GALNT10: variants seen among roughly 807,000 people sequenced by gnomAD.
GALNT10 encodes polypeptide N-acetylgalactosaminyltransferase 10, also known as GalNAc transferase 10.
Under a neutral mutation model 75.0 loss-of-function variants are expected in GALNT10, and 41 were observed. The observed-to-expected ratio is 0.55, with a 90% CI of 0.43 to 0.71. GALNT10 has a LOEUF of 0.71. GALNT10 is among the 30% of genes least tolerant of loss of function. GALNT10 has a pLI of 0.00. For missense variants in GALNT10, 727 were observed against 818.5 expected, an observed-to-expected ratio of 0.89 and a Z score of 1.36; for synonymous variants, 302 against 313.0, an observed-to-expected ratio of 0.96 and a Z score of 0.37.
intron 3 of GALNT10, among the ~76,000 whole-genome samples, chr5:154,324,180 G>A (rs1413624711): frequency 6.6e-6 from 1 of 152,208 alleles, no homozygotes; most frequent in Non-Finnish European, 1.5e-5. Flanking sequence ...TGCCTTCCAT[G>A]TGGGGTTCTG....
chr5:154,197,932 C>A (rs939352737), intron 1 of GALNT10, among the ~76,000 whole-genome samples: 4 of 152,184 alleles, frequency 2.6e-5, no homozygotes, highest in Admixed American at 2.6e-4. Flanking sequence ...AACCACCATA[C>A]TTCCTCCATA....
intron 1 of GALNT10, among the ~76,000 whole-genome samples, chr5:154,212,987 C>T (rs1336447635): frequency 1.3e-5 from 2 of 150,736 alleles, no homozygotes; most frequent in Admixed American, 6.6e-5. Context: ...AAAAAAAGAT[C>T]ACAGGCTCCA....
intron 1 of GALNT10, among the ~76,000 whole-genome samples, chr5:154,194,378 C>T (rs890793): frequency 0.36 from 54,949 of 152,026 alleles, 11,468 homozygotes; most frequent in East Asian, 0.87. Flanking sequence ...AGCCTTGGAA[C>T]GATTTCCTTA....
At chr5:154,339,096 T>C (rs990414153) in intron 4 of GALNT10, among the ~76,000 whole-genome samples, 2 of 152,238 alleles carry the variant, frequency 1.3e-5, no homozygotes, top group African/African-American at 4.8e-5. Context: ...AAGTGACTTC[T>C]GTTCCAGATG....
At chr5:154,396,554 C>G (rs35278321) in intron 7 of GALNT10, among the ~76,000 whole-genome samples, 1,998 of 152,268 alleles carry the variant, frequency 0.013, 23 homozygotes, top group South Asian at 0.031. Flanking sequence ...GACCCAACCC[C>G]AGGTTCCATT....
chr5:154,403,369 C>T (rs927335301), intron 7 of GALNT10, among the ~76,000 whole-genome samples: 2 of 152,136 alleles, frequency 1.3e-5, no homozygotes, highest in African/African-American at 4.8e-5. Context: ...AGTGGGCAAA[C>T]TCAGGAGCTC....
chr5:154,191,809 C>T (rs1231462006), intron 1 of GALNT10, among the ~76,000 whole-genome samples: 1 of 152,224 alleles, frequency 6.6e-6, no homozygotes, highest in East Asian at 1.9e-4. Flanking sequence ...AGAAGCCTTC[C>T]CTATCTCTTC....
intron 1 of GALNT10, among the ~76,000 whole-genome samples, chr5:154,262,013 AGAAGAGAT>A (rs1753705805): frequency 6.6e-6 from 1 of 152,016 alleles, no homozygotes; most frequent in South Asian, 2.1e-4. Flanking sequence ...TCCATAAAAG[AGAAGAGAT>A]AGTTCATGTG....
intron 4 of GALNT10, among the ~76,000 whole-genome samples, chr5:154,345,275 A>G (rs1486319244): frequency 6.6e-6 from 1 of 152,140 alleles, no homozygotes; most frequent in African/African-American, 2.4e-5. Context: ...TAATGTGTTC[A>G]TCACCTCCCA....
chr5:154,270,272 C>T (rs1753842354), intron 1 of GALNT10, among the ~76,000 whole-genome samples: 1 of 147,968 alleles, frequency 6.8e-6, no homozygotes, highest in Non-Finnish European at 1.5e-5. Flanking sequence ...GTAGAGTAGG[C>T]ATTCCTCATG....
At chr5:154,338,093 A>C in intron 4 of GALNT10, 1 of 1,126,682 alleles carries the variant, frequency 8.9e-7, no homozygotes, top group Non-Finnish European at 1.3e-6. Context: ...ATCTTCTTTA[A>C]TGCCACCAGC....
At chr5:154,284,595 G>A (rs780043227) in intron 1 of GALNT10, among the ~76,000 whole-genome samples, 7 of 152,158 alleles carry the variant, frequency 4.6e-5, no homozygotes, top group East Asian at 1.9e-4. Context: ...TGCCCAGCCC[G>A]TCAAGCCTCT....
At chr5:154,328,315 A>G (rs1032446009) in intron 3 of GALNT10, among the ~76,000 whole-genome samples, 1 of 152,096 alleles carries the variant, frequency 6.6e-6, no homozygotes, top group Non-Finnish European at 1.5e-5. Flanking sequence ...AGGGCCTTCC[A>G]CCCCTAAGCT....
chr5:154,276,356 A>G (rs774990106), intron 1 of GALNT10, among the ~76,000 whole-genome samples: 3 of 152,142 alleles, frequency 2.0e-5, no homozygotes, highest in Admixed American at 1.3e-4. Flanking sequence ...GATCTACAAA[A>G]CCAGCAATGC....
At chr5:154,217,908 A>G (rs1339563857) in intron 1 of GALNT10, 1 of 626,360 alleles carries the variant, frequency 1.6e-6, no homozygotes, top group African/African-American at 2.0e-5. Context: ...AGACTGTTGT[A>G]CTTTCTATAA....
chr5:154,190,861 G>A lies in GALNT10; in HGVS notation c.-6G>A, dbSNP rs941843928. ...CGGCGGGGCGCGGCGGGGCTGACCG[G>A]CCCCGATGAGGCGGAAGGAGAAGCG... On this transcript the variant is annotated 5_prime_UTR_variant, in exon 1 of 12. Transcript: ENST00000297107. The A allele has an allele frequency of 1.6e-4, 214 of 1,344,942 alleles. No homozygotes were observed. In the African/African-American group the frequency reaches 2.9e-3, roughly 18 times the overall value. The allele number at this position is 1,344,942 out of a possible 1,614,324, so 83.3% of individuals were successfully genotyped here. A position where few individuals can be genotyped will look rare whatever the true frequency, so the allele number is the denominator to read the frequency against.
intron 10 of GALNT10, among the ~76,000 whole-genome samples, chr5:154,413,892 TA>T (rs1464361516): frequency 1.3e-5 from 2 of 152,086 alleles, no homozygotes; most frequent in Admixed American, 1.3e-4. Flanking sequence ...GTAAAGCATA[TA>T]TCTGATAAAG....
chr5:154,288,988 T>C (rs1355413159), intron 1 of GALNT10, among the ~76,000 whole-genome samples: 3 of 152,230 alleles, frequency 2.0e-5, no homozygotes, highest in African/African-American at 7.2e-5. Flanking sequence ...GAGGAAATTC[T>C]AAATCCTGTT....
chr5:154,371,410 C>T (rs1293142422), intron 4 of GALNT10, among the ~76,000 whole-genome samples: 1 of 152,094 alleles, frequency 6.6e-6, no homozygotes, highest in African/African-American at 2.4e-5. Flanking sequence ...ACAACAACTC[C>T]TCCTTATGCC....
Sources: allele counts gnomAD v4.1 joint callset (sites outside exome capture counted in the v4.1 genomes callset), GRCh38; gene constraint gnomAD v4.1.1; transcripts MANE v1.5; gene names NCBI Gene and HGNC (gene_info 2026-07-23, HGNC 2026-07-21).